The following BRDT variants were observed in gnomAD, a reference collection of about 807,000 sequenced individuals.
The protein encoded by BRDT is bromodomain testis-specific protein.
A neutral mutation model predicts 113.9 loss-of-function variants in BRDT; 77 were observed. That is an observed-to-expected ratio of 0.68 (90% confidence interval 0.56 to 0.82). The LOEUF is 0.82. Ranked by LOEUF, BRDT falls within the 40% of genes least tolerant of loss-of-function variation. BRDT has a pLI of 0.00. For missense variants in BRDT, 1,027 were observed against 1,105.4 expected, an observed-to-expected ratio of 0.93 and a Z score of 1.01; for synonymous variants, 358 against 366.5, an observed-to-expected ratio of 0.98 and a Z score of 0.26.
Position 91,994,252 on chromosome 1 carries a change from C to T in BRDT, c.2285C>T (p.Ser762Leu). The T allele has an allele frequency of 6.2e-7, 1 of 1,601,964 alleles. No individual in the cohort carries two copies. Among genetic ancestry groups the T allele is most frequent in the Non-Finnish European group, 8.5e-7 (1 of 1,173,750 alleles). Residue 762 changes from serine to leucine, a missense_variant and splice_region_variant, in exon 15 of 19, where the codon TCA becomes TTA. Coordinates refer to ENST00000399546, the MANE Select transcript of BRDT (RefSeq NM_207189.4). ...NISPLQILPP[S>L]GDSEQLSNGI... is the part of the protein sequence containing the mutation. ...TCACCTTTACAAATTCTGCCTCCCT[C>T]AGGTAAGAAATTAACAAGTAAACAA...
chr1:91,951,141 T>C (rs930826886), intron 1 of BRDT, among the ~76,000 whole-genome samples: 13 of 152,316 alleles, frequency 8.5e-5, no homozygotes, highest in Non-Finnish European at 1.6e-4. Context: ...CTAAGCCTAC[T>C]GGCTAGCTAG....
rs539131092 is a variant in BRDT, at chr1:92,008,137, C to T, written c.2775+2838C>T. On this transcript the variant is annotated intron_variant, in intron 18 of 18. Coordinates refer to ENST00000399546, the MANE Select transcript of BRDT (RefSeq NM_207189.4). ...TTCGCCATGTTGGCCAGGCTAGTCTCGAACTCCTAACCTCAGGTGATCCAC... is the reference window on the plus strand; with the variant it reads ...TTCGCCATGTTGGCCAGGCTAGTCTTGAACTCCTAACCTCAGGTGATCCAC... Among the ~76,000 whole-genome samples the T allele has an allele frequency of 1.4e-4, 21 of 152,228 alleles. No homozygotes were observed. The South Asian group carries it at 1.9e-3, about 14-fold the overall frequency.
chr1:91,978,328 T>C (rs763177499), intron 7 of BRDT, 32 bp downstream of exon 7: 1 of 1,610,600 alleles, frequency 6.2e-7, no homozygotes, highest in East Asian at 2.2e-5. Flanking sequence ...GAAGGTGTTT[T>C]TCCTCTGAAC....
At chr1:92,007,476 A>C (rs548621556) in intron 18 of BRDT, among the ~76,000 whole-genome samples, 12 of 152,296 alleles carry the variant, frequency 7.9e-5, no homozygotes, top group African/African-American at 2.9e-4. Flanking sequence ...CTTATAGGTG[A>C]GAACATGCAG....
chr1:92,006,048 G>A (rs1320965072), intron 18 of BRDT, among the ~76,000 whole-genome samples: 2 of 152,192 alleles, frequency 1.3e-5, no homozygotes, highest in African/African-American at 4.8e-5. Flanking sequence ...TCTGATTCTA[G>A]TGATTTCTGT....
chr1:91,964,542 T>A (rs551410242), intron 2 of BRDT, 85 bp from the exon 3 acceptor site: 98 of 828,974 alleles, frequency 1.2e-4, no homozygotes, highest in Non-Finnish European at 1.7e-6. Flanking sequence ...TAGTTGCAGG[T>A]GTATAGTGCA....
At position 91,994,140 on chromosome 1, in the gene BRDT, A is replaced by G; in HGVS notation, c.2173A>G (p.Thr725Ala). Residue 725 changes from threonine to alanine, a missense_variant, in exon 15 of 19, where the codon ACA (threonine) becomes GCA (alanine). Physicochemically the swap from Thr to Ala is moderately conservative, Grantham distance 58. Transcript: ENST00000399546. ...SANTTLVHQT[T>A]PSHVMPPNHH... ...CAATACTACCCTTGTTCATCAGACC[A>G]CACCTTCACATGTAATGCCACCAAA... The G allele has an allele frequency of 2.5e-6, 4 of 1,613,788 alleles. No individual in the cohort carries two copies. The highest frequency in any genetic ancestry group is 3.4e-6 in the Non-Finnish European group (4 of 1,179,852).
intron 5 of BRDT, 64 bp from the exon 6 acceptor site, chr1:91,976,979 A>T: frequency 7.7e-7 from 1 of 1,294,694 alleles, no homozygotes; most frequent in Non-Finnish European, 1.0e-6. Flanking sequence ...CTTTTAACTG[A>T]TAAGGAACTA....
At chr1:91,962,674 C>T (rs994701932) in intron 1 of BRDT, 44 bp from the exon 2 acceptor site, 10 of 1,200,956 alleles carry the variant, frequency 8.3e-6, no homozygotes, top group Non-Finnish European at 1.1e-5. Flanking sequence ...CCTGTGGAAA[C>T]CATTCCTAAA....
At chr1:91,970,290 G>A (rs1020800851) in intron 4 of BRDT, among the ~76,000 whole-genome samples, 1 of 152,120 alleles carries the variant, frequency 6.6e-6, no homozygotes, top group Non-Finnish European at 1.5e-5. Context: ...TCGAGACAGG[G>A]TCTCATTCTG....
Position 91,980,740 on chromosome 1 carries a change from A to G in BRDT, c.1385A>G (p.Glu462Gly), listed in dbSNP as rs1187036415. ...KEKSKKEKKK[E>G]KVNNSNENPR... Reference sequence around the variant, plus strand: ...AAGTCTAAAAAGGAAAAGAAAAAAGAAAAGGTTAATAACAGCAATGAAAAT... The same window carrying G: ...AAGTCTAAAAAGGAAAAGAAAAAAGGAAAGGTTAATAACAGCAATGAAAAT... The change falls in exon 9 of 19, where the codon GAA (glutamate) becomes GGA (glycine). Residue 462 changes from glutamate to glycine, a missense_variant. Transcript: ENST00000399546. The G allele has an allele frequency of 6.2e-7, 1 of 1,608,792 alleles. No homozygotes were observed. The highest frequency in any genetic ancestry group is 8.5e-7 in the Non-Finnish European group (1 of 1,179,036).
intron 18 of BRDT, among the ~76,000 whole-genome samples, chr1:92,011,105 T>C (rs1355914290): frequency 6.6e-6 from 1 of 152,208 alleles, no homozygotes; most frequent in African/African-American, 2.4e-5. Flanking sequence ...GCTATAGTAT[T>C]GGTTAAAGTA....
chr1:92,001,762 G>A (rs1686873914), intron 15 of BRDT, among the ~76,000 whole-genome samples: 1 of 151,754 alleles, frequency 6.6e-6, no homozygotes, highest in Admixed American at 6.6e-5. Flanking sequence ...CTATAGCATG[G>A]GGTCAGATAA....
chr1:91,953,906 T>A (rs1055494130), intron 1 of BRDT, among the ~76,000 whole-genome samples: 1 of 152,166 alleles, frequency 6.6e-6, no homozygotes, highest in Non-Finnish European at 1.5e-5. Context: ...GACATTAGAT[T>A]TCATCTGCTC....
At chr1:91,982,561 T>A (rs1684818434) in intron 12 of BRDT, among the ~76,000 whole-genome samples, 1 of 152,156 alleles carries the variant, frequency 6.6e-6, no homozygotes, top group Admixed American at 6.5e-5. Context: ...GAAATTCAAT[T>A]CTCTTTTTAA....
In BRDT at chr1:92,002,586, T is replaced by C. The variant is rs533695006; in HGVS notation, c.2388+437T>C. ...TTTTGCCACGTTGGCCAGGTTGGTC[T>C]CAAACTCCTGATCTTAGGTGATCCA... On this transcript the variant is annotated intron_variant, in intron 16 of 18. Transcript: ENST00000399546. Among the ~76,000 whole-genome samples, 8 of 152,324 alleles carry C rather than the reference T, an allele frequency of 5.3e-5. No individual in the cohort carries two copies. The South Asian group carries it at 1.7e-3, about 32-fold the overall frequency.
In BRDT at chr1:92,005,161, A is replaced by G; in HGVS notation, c.2637A>G (p.Lys879=). 6.5e-7 allele frequency: 1 copy of G among 1,543,308 alleles called. No individual in the cohort carries two copies. ...TGACTGTAGAATCTTTTTCAAATAA[A>G]ATACAAAACAAGTGCTCTGGAGAAG... is the stretch of plus-strand genomic sequence containing the variant. ...NGLTVESFSN[K]IQNKCSGEEQ... Residue 879 remains lysine, a synonymous_variant, in exon 18 of 19, where the codon AAA becomes AAG. Coordinates refer to ENST00000399546, the MANE Select transcript of BRDT (RefSeq NM_207189.4).
At chr1:92,001,416 C>T (rs1686829105) in intron 15 of BRDT, among the ~76,000 whole-genome samples, 1 of 152,186 alleles carries the variant, frequency 6.6e-6, no homozygotes, top group Non-Finnish European at 1.5e-5. Flanking sequence ...ACAGGCCTGG[C>T]CAGCCACAAT....
intron 13 of BRDT, among the ~76,000 whole-genome samples, chr1:91,991,718 C>T (rs535139265): frequency 1.3e-5 from 2 of 152,264 alleles, no homozygotes; most frequent in East Asian, 1.9e-4. Context: ...AGTGGCCAGG[C>T]GAGGTGGCTC....
Sources: allele counts gnomAD v4.1 joint callset (sites outside exome capture counted in the v4.1 genomes callset), GRCh38; gene constraint gnomAD v4.1.1; transcripts MANE v1.5; gene names NCBI Gene and HGNC (gene_info 2026-07-23, HGNC 2026-07-21).